GCNT4: variants seen among roughly 807,000 people sequenced by gnomAD.
The protein encoded by GCNT4 is glucosaminyl (N-acetyl) transferase 4, also known as beta-1,3-galactosyl-O-glycosyl-glycoprotein beta-1,6-N-acetylglucosaminyltransferase 4.
A neutral mutation model predicts 31.3 loss-of-function variants in GCNT4; 17 were observed. The observed-to-expected ratio is 0.54, with a 90% confidence interval of 0.37 to 0.81. The LOEUF (loss-of-function observed/expected upper bound fraction) is 0.81, where lower values mean the gene tolerates loss of function less well. GCNT4 is among the 40% of genes least tolerant of loss of function. The pLI is 0.00. For missense variants in GCNT4, 503 were observed against 525.5 expected, an observed-to-expected ratio of 0.96 and a Z score of 0.42; for synonymous variants, 158 against 190.6, an observed-to-expected ratio of 0.83 and a Z score of 1.41.
rs1161710188 is a variant in GCNT4, at chr5:75,027,344, GTATA to G, written c.*1328_*1331del. 10 of 33,708 alleles carry G rather than the reference GTATA, an allele frequency of 3.0e-4. No individual in the cohort carries two copies. Among genetic ancestry groups the G allele is most frequent in the East Asian group, 6.5e-4 (1 of 1,542 alleles). 2.1% of individuals were successfully genotyped at this position (33,708 alleles called of 1,614,324 possible). A position where few individuals can be genotyped will look rare whatever the true frequency, so the allele number is the denominator to read the frequency against. On this transcript the variant is annotated 3_prime_UTR_variant, in exon 4 of 4. Transcript: ENST00000652361. Reference sequence around the variant, plus strand: ...TAATATATATTCATATACAATATATGTATATATAATATATATATTTATATATTAT... The same window carrying G: ...TAATATATATTCATATACAATATATGTATAATATATATATTTATATATTAT...
chr5:75,022,030 T>G (rs1742885839), downstream of GCNT4, among the ~76,000 whole-genome samples: 1 of 152,310 alleles, frequency 6.6e-6, no homozygotes, highest in Middle Eastern at 3.4e-3. Context: ...GTATTCTCCT[T>G]AGAGTTCATA....
At chr5:75,031,081 T>C (rs192872024) in intron 3 of GCNT4, among the ~76,000 whole-genome samples, 268 of 147,076 alleles carry the variant, frequency 1.8e-3, no homozygotes, top group Non-Finnish European at 2.2e-3. Flanking sequence ...TTTTCTCTCT[T>C]TTTTTTTTTT....
chr5:75,021,503 G>C (rs1436322945), downstream of GCNT4, among the ~76,000 whole-genome samples: 1 of 152,184 alleles, frequency 6.6e-6, no homozygotes, highest in East Asian at 1.9e-4. Context: ...AAGATTCTGG[G>C]ATGGAAGAAG....
At chr5:75,033,140 A>T (rs1391250397) in intron 3 of GCNT4, among the ~76,000 whole-genome samples, 2 of 152,220 alleles carry the variant, frequency 1.3e-5, no homozygotes, top group Non-Finnish European at 2.9e-5. Context: ...CAGAGTTGTC[A>T]TGTCATTTAA....
At chr5:75,023,534 A>AT (rs377297278), downstream of GCNT4, among the ~76,000 whole-genome samples, 2 of 152,080 alleles carry the variant, frequency 1.3e-5, no homozygotes, top group African/African-American at 4.8e-5. Context: ...AAAAAAAAAA[A>AT]GTAGTTTACA....
intron 2 of GCNT4, among the ~76,000 whole-genome samples, chr5:75,048,653 T>G (rs1365672227): frequency 6.6e-6 from 1 of 152,200 alleles, no homozygotes; most frequent in Non-Finnish European, 1.5e-5. Context: ...TTTCTATGAA[T>G]AGTACCACCC....
chr5:75,036,627 T>C (rs1451858330), intron 3 of GCNT4, among the ~76,000 whole-genome samples: 1 of 150,764 alleles, frequency 6.6e-6, no homozygotes, highest in Non-Finnish European at 1.5e-5. Context: ...CGAGGAGATC[T>C]TCCACCCTGT....
At chr5:75,053,660 G>T (rs1417092104), upstream of GCNT4, among the ~76,000 whole-genome samples, 3 of 151,952 alleles carry the variant, frequency 2.0e-5, no homozygotes, top group Non-Finnish European at 4.4e-5. Flanking sequence ...CTGGGGAGCC[G>T]CTCTCGCCCG....
At chr5:75,043,714 T>C (rs550468524) in intron 3 of GCNT4, among the ~76,000 whole-genome samples, 1 of 152,114 alleles carries the variant, frequency 6.6e-6, no homozygotes, top group African/African-American at 2.4e-5. Context: ...TCCTGTTACA[T>C]GAGAAAAGTA....
chr5:75,053,186 G>T (rs1172790016), upstream of GCNT4, among the ~76,000 whole-genome samples: 1 of 150,832 alleles, frequency 6.6e-6, no homozygotes, highest in Non-Finnish European at 1.5e-5. Context: ...GCCGCGGGGA[G>T]CCCCGAAGTT....
chr5:75,043,520 G>A (rs1743366245), intron 3 of GCNT4, among the ~76,000 whole-genome samples: 1 of 152,180 alleles, frequency 6.6e-6, no homozygotes, highest in Non-Finnish European at 1.5e-5. Flanking sequence ...ATTCAGGTAG[G>A]AGGTACGCCA....
At chr5:75,031,371 C>T (rs1743058446) in intron 3 of GCNT4, among the ~76,000 whole-genome samples, 1 of 152,196 alleles carries the variant, frequency 6.6e-6, no homozygotes, top group African/African-American at 2.4e-5. Context: ...CACCCTCAGC[C>T]TAAACTTTTT....
rs55942109 is a variant in GCNT4, at chr5:75,032,872, G to GGTGGGTATGTGT, written c.-1-2835_-1-2834insACACATACCCAC. Among the ~76,000 whole-genome samples, 3 of 130,646 alleles carry GGTGGGTATGTGT rather than the reference G, an allele frequency of 2.3e-5. 1 individual carries two copies. The highest frequency in any genetic ancestry group is 5.1e-5 in the Non-Finnish European group (3 of 59,056). 85.7% of individuals were successfully genotyped at this position (130,646 alleles called of 152,430 possible). ...AGAAGACTAATCAATCCCAAATAGG[G>GGTGGGTATGTGT]GTGTGTGTGTGTGTGTGTGTGTGTG... On this transcript the variant is annotated intron_variant, in intron 3 of 3. Coordinates refer to ENST00000652361, the MANE Select transcript of GCNT4 (RefSeq NM_001366737.1).
intron 3 of GCNT4, among the ~76,000 whole-genome samples, chr5:75,037,116 A>G (rs1743215780): frequency 6.6e-6 from 1 of 152,250 alleles, no homozygotes; most frequent in African/African-American, 2.4e-5. Flanking sequence ...GAAGATCAAT[A>G]TAAAGACGAA....
At chr5:75,053,207 C>G (rs996563415), upstream of GCNT4, among the ~76,000 whole-genome samples, 3 of 131,514 alleles carry the variant, frequency 2.3e-5, no homozygotes, top group African/African-American at 3.8e-5. Context: ...GCGGCGTCTG[C>G]TAGGCGCGCG....
intron 3 of GCNT4, 141 bp downstream of exon 3, chr5:75,047,756 T>C (rs1743475532): frequency 6.6e-6 from 1 of 152,026 alleles, no homozygotes; most frequent in African/African-American, 2.4e-5. Flanking sequence ...AAATCTAGAC[T>C]TTAGCACAAA....
intron 3 of GCNT4, among the ~76,000 whole-genome samples, chr5:75,045,095 G>C (rs1168486067): frequency 1.3e-5 from 2 of 152,068 alleles, no homozygotes; most frequent in Non-Finnish European, 2.9e-5. Context: ...TTATGAATTA[G>C]TTGATGAACA....
Position 75,028,819 on chromosome 5 carries a change from A to G in GCNT4, c.1219T>C (p.Trp407Arg). 1 of 1,614,074 alleles carries G rather than the reference A, an allele frequency of 6.2e-7. No individual in the cohort carries two copies. Among genetic ancestry groups the G allele is most frequent in the Non-Finnish European group, 8.5e-7 (1 of 1,180,002 alleles). ...ELRWLIKDGH[W>R]FANKFDSKVD... is the part of the protein sequence containing the mutation. The stretch of plus-strand genomic sequence containing the variant: ...TTAGAATCAAATTTATTAGCAAACC[A>G]ATGTCCATCTTTGATAAGCCACCTT... Residue 407 changes from tryptophan (W) to arginine (R), a missense_variant, in exon 4 of 4, where the codon TGG becomes CGG. Trp to Arg is a moderately radical substitution (Grantham distance 101). Coordinates refer to ENST00000652361, the MANE Select transcript of GCNT4 (RefSeq NM_001366737.1).
Position 75,028,354 on chromosome 5 carries a change from C to T in GCNT4, c.*322G>A. 1 of 252,802 alleles carries T rather than the reference C, an allele frequency of 4.0e-6. No individual in the cohort carries two copies. The highest frequency in any genetic ancestry group is 7.5e-6 in the Non-Finnish European group (1 of 133,378). The allele number at this position is 252,802 out of a possible 1,614,324, so 15.7% of individuals were successfully genotyped here. ...GGAGAACTTAAAGATACCGAGGTTG[C>T]TATGATGAGGATAAGCCGCAGTCTC... is the stretch of plus-strand genomic sequence containing the variant. On this transcript the variant is annotated 3_prime_UTR_variant, in exon 4 of 4. Transcript: ENST00000652361.
Sources: allele counts gnomAD v4.1 joint callset (sites outside exome capture counted in the v4.1 genomes callset), GRCh38; gene constraint gnomAD v4.1.1; transcripts MANE v1.5; gene names NCBI Gene and HGNC (gene_info 2026-07-23, HGNC 2026-07-21).